SNX29: variants seen among roughly 807,000 people sequenced by gnomAD.
SNX29 encodes sorting nexin 29.
A neutral mutation model predicts 102.1 loss-of-function variants in SNX29; 78 were observed. The observed-to-expected ratio is 0.76, with a 90% CI of 0.64 to 0.92. SNX29 has a LOEUF of 0.92. SNX29 is among the 40% of genes least tolerant of loss of function. SNX29 has a pLI of 0.00. For missense variants in SNX29, 1,280 were observed against 1,061.7 expected (o/e 1.21, Z -2.86); for synonymous variants, 580 against 414.5 (o/e 1.40, Z -4.85).
intron 20 of SNX29, chr16:12,527,360 A>T (rs367872730): frequency 5.9e-6 from 3 of 506,242 alleles, no homozygotes; most frequent in Admixed American, 2.6e-5. Flanking sequence ...TGGTTAAAAA[A>T]AAATAAAAAA....
At chr16:12,118,277 T>G (rs976805385) in intron 11 of SNX29, among the ~76,000 whole-genome samples, 40 of 148,678 alleles carry the variant, frequency 2.7e-4, no homozygotes, top group Admixed American at 2.6e-3. Flanking sequence ...TGATGCCTTT[T>G]AAAAGAAGAC....
chr16:12,258,474 G>C (rs2078639291), intron 14 of SNX29, among the ~76,000 whole-genome samples: 1 of 152,138 alleles, frequency 6.6e-6, no homozygotes, highest in African/African-American at 2.4e-5. Flanking sequence ...GAGCTCTCCT[G>C]AGGCACCCTC....
At chr16:12,439,550 A>T (rs902400197) in intron 18 of SNX29, among the ~76,000 whole-genome samples, 1 of 152,220 alleles carries the variant, frequency 6.6e-6, no homozygotes, top group African/African-American at 2.4e-5. Flanking sequence ...GAGCCAAGCG[A>T]AAGGGGTTTC....
Position 12,365,548 on chromosome 16 carries a change from T to A in SNX29, c.1899+9269T>A, listed in dbSNP as rs570954085. Among the ~76,000 whole-genome samples, 8 of 150,588 alleles carry A rather than the reference T, an allele frequency of 5.3e-5. No individual in the cohort carries two copies. The East Asian group carries it at 1.4e-3, about 26-fold the overall frequency. On this transcript the variant is annotated intron_variant, in intron 16 of 20. Transcript: ENST00000566228. ...CTACTCAAAATACAAAAATTAGCCATGCATGGTGGTGCGTGCCTGTAATCA... is the reference window on the plus strand; with the variant it reads ...CTACTCAAAATACAAAAATTAGCCAAGCATGGTGGTGCGTGCCTGTAATCA...
Position 12,128,452 on chromosome 16 carries a change from C to CTTT in SNX29, c.1467-1162_1467-1160dup, listed in dbSNP as rs35504724. ...GGGGTCAGATGTTTTTGATTATATT[C>CTTT]TTTTTTTTTTTTTTTTTTGAGACGG... On this transcript the variant is annotated intron_variant, in intron 12 of 20. Coordinates refer to ENST00000566228, the MANE Select transcript of SNX29 (RefSeq NM_032167.5). Among the ~76,000 whole-genome samples, 1,203 of 128,250 alleles carry CTTT rather than the reference C, an allele frequency of 9.4e-3. 33 individuals are homozygous for CTTT. Among genetic ancestry groups the CTTT allele is most frequent in the African/African-American group, 0.025 (839 of 33,110 alleles). 84.1% of individuals were successfully genotyped at this position (128,250 alleles called of 152,430 possible). A position where few individuals can be genotyped will look rare whatever the true frequency, so the allele number is the denominator to read the frequency against.
At chr16:12,191,279 G>A (rs1243892803) in intron 13 of SNX29, among the ~76,000 whole-genome samples, 1 of 152,104 alleles carries the variant, frequency 6.6e-6, no homozygotes, top group South Asian at 2.1e-4. Context: ...CCTGCTGTGC[G>A]GCTTGGTTCC....
At chr16:11,995,552 C>T (rs377141874) in intron 1 of SNX29, among the ~76,000 whole-genome samples, 2 of 151,104 alleles carry the variant, frequency 1.3e-5, no homozygotes, top group South Asian at 2.1e-4. Context: ...TCTTTTCTTC[C>T]CCCCCCACCC....
intron 15 of SNX29, among the ~76,000 whole-genome samples, chr16:12,347,211 C>T (rs1203330256): frequency 6.6e-6 from 1 of 151,696 alleles, no homozygotes; most frequent in Admixed American, 6.6e-5. Context: ...CAGACAGAGC[C>T]TACACAGCAC....
chr16:12,147,030 T>A (rs1376013957), intron 13 of SNX29, among the ~76,000 whole-genome samples: 2 of 152,256 alleles, frequency 1.3e-5, no homozygotes, highest in African/African-American at 2.4e-5. Flanking sequence ...TTATTTTCTC[T>A]AATGCTTCTA....
intron 4 of SNX29, chr16:12,038,787 G>C (rs1264174527): frequency 6.6e-6 from 1 of 152,242 alleles, no homozygotes; most frequent in African/African-American, 2.4e-5. Flanking sequence ...ACAGGCTGCA[G>C]GTGAGAGTCA....
At chr16:12,218,768 A>T (rs1289197419) in intron 14 of SNX29, among the ~76,000 whole-genome samples, 1 of 151,846 alleles carries the variant, frequency 6.6e-6, no homozygotes, top group Non-Finnish European at 1.5e-5. Flanking sequence ...CCAGGTTTTT[A>T]TTTATTATAT....
chr16:12,194,696 G>T (rs1285400723), intron 13 of SNX29, among the ~76,000 whole-genome samples: 1 of 149,566 alleles, frequency 6.7e-6, no homozygotes, highest in Admixed American at 6.7e-5. Flanking sequence ...GTGTGATCTT[G>T]GCTCAGTGCA....
rs1194093331 is a variant in SNX29, at chr16:12,573,641, A to G, written c.*5012A>G. ...CTGGTCTCCATGAACGGCAAGGGGA[A>G]CCACCACTCATTCACTGTCAGTGTA... On this transcript the variant is annotated 3_prime_UTR_variant, in exon 21 of 21. Coordinates refer to ENST00000566228, the MANE Select transcript of SNX29 (RefSeq NM_032167.5). 4.5e-6 allele frequency: 1 copy of G among 221,414 alleles called. No individual in the cohort carries two copies. The highest frequency in any genetic ancestry group is 9.0e-6 in the Non-Finnish European group (1 of 110,526). The allele number at this position is 221,414 out of a possible 1,614,324, so 13.7% of individuals were successfully genotyped here. A position where few individuals can be genotyped will look rare whatever the true frequency, so the allele number is the denominator to read the frequency against.
chr16:12,319,381 C>T (rs1447436598), intron 15 of SNX29, among the ~76,000 whole-genome samples: 3 of 152,100 alleles, frequency 2.0e-5, no homozygotes, highest in Non-Finnish European at 4.4e-5. Context: ...GTAGTTCCAG[C>T]TACTGGGGAG....
At chr16:12,154,124 C>A (rs1157544875) in intron 13 of SNX29, among the ~76,000 whole-genome samples, 2 of 152,188 alleles carry the variant, frequency 1.3e-5, no homozygotes, top group African/African-American at 2.4e-5. Context: ...TACCTTCCTT[C>A]TCTTTCCTTC....
chr16:12,179,688 A>G (rs556462512), intron 13 of SNX29, among the ~76,000 whole-genome samples: 2 of 152,282 alleles, frequency 1.3e-5, no homozygotes, highest in Non-Finnish European at 2.9e-5. Context: ...TGCAAGCTTC[A>G]TCTGTGACGG....
chr16:12,522,640 C>G (rs1000893277), intron 19 of SNX29, among the ~76,000 whole-genome samples: 1 of 152,294 alleles, frequency 6.6e-6, no homozygotes, highest in East Asian at 1.9e-4. Flanking sequence ...GCTTCACTGT[C>G]TTCCTCCTGC....
chr16:12,272,684 G>GTCAT (rs1490272112), intron 14 of SNX29, among the ~76,000 whole-genome samples: 1 of 152,164 alleles, frequency 6.6e-6, no homozygotes, highest in Non-Finnish European at 1.5e-5. Context: ...CATAGATAAA[G>GTCAT]TCATTGGTTC....
intron 14 of SNX29, among the ~76,000 whole-genome samples, chr16:12,257,634 G>C (rs1242964183): frequency 6.6e-6 from 1 of 151,890 alleles, no homozygotes; most frequent in Non-Finnish European, 1.5e-5. Context: ...TCAGCCTCCT[G>C]AGTAGTTGGG....
Sources: allele counts gnomAD v4.1 joint callset (sites outside exome capture counted in the v4.1 genomes callset), GRCh38; gene constraint gnomAD v4.1.1; transcripts MANE v1.5; gene names NCBI Gene and HGNC (gene_info 2026-07-23, HGNC 2026-07-21).